The following LRRC39 variants were observed in gnomAD, a reference collection of about 807,000 sequenced individuals.
The protein encoded by LRRC39 is leucine rich repeat containing 39.
A neutral mutation model predicts 39.7 loss-of-function variants in LRRC39; 35 were observed. That is an observed-to-expected ratio of 0.88 (90% CI 0.67 to 1.17). The LOEUF is 1.17. Ranked by LOEUF, LRRC39 falls within the 50% of genes most tolerant of loss-of-function variation. The pLI is 0.00. For synonymous variants in LRRC39, 113 were observed against 134.1 expected, an observed-to-expected ratio of 0.84 and a Z score of 1.09; for missense variants, 357 against 385.8, an observed-to-expected ratio of 0.93 and a Z score of 0.62.
At chr1:100,156,507 T>C (rs1482946990) in intron 6 of LRRC39, among the ~76,000 whole-genome samples, 190 bp from the exon 7 acceptor site, 1 of 152,198 alleles carries the variant, frequency 6.6e-6, no homozygotes, top group East Asian at 1.9e-4. Flanking sequence ...AGTGGAAAAC[T>C]CTCATAGAAA....
At chr1:100,155,927 C>T (rs1044452906) in intron 7 of LRRC39, among the ~76,000 whole-genome samples, 1 of 152,272 alleles carries the variant, frequency 6.6e-6, no homozygotes, top group Non-Finnish European at 1.5e-5. Flanking sequence ...GTGGCTCAGG[C>T]ATGTAATCCC....
At chr1:100,179,099 G>GTCA (rs1480597985), upstream of LRRC39, among the ~76,000 whole-genome samples, 2 of 152,126 alleles carry the variant, frequency 1.3e-5, no homozygotes, top group African/African-American at 4.8e-5. Flanking sequence ...TTAGAGCAGC[G>GTCA]TCATTCTTTT....
In LRRC39 at chr1:100,149,163, T is replaced by C. The variant is rs1570755892; in HGVS notation, c.953-66A>G. 12 of 1,555,762 alleles carry C rather than the reference T, an allele frequency of 7.7e-6. No homozygotes were observed. In the East Asian group the frequency reaches 2.7e-4, roughly 36 times the overall value. The stretch of plus-strand genomic sequence containing the variant: ...TCTGTTTGTATTAATTTTGGAAATT[T>C]ATCTTCCTTTGATTTTATTTAATAT... On this transcript the variant is annotated intron_variant, in intron 9 of 9. Coordinates refer to ENST00000370137, the MANE Select transcript of LRRC39 (RefSeq NM_144620.4).
At chr1:100,163,777 T>C (rs964633143) in intron 3 of LRRC39, among the ~76,000 whole-genome samples, 2 of 152,036 alleles carry the variant, frequency 1.3e-5, no homozygotes, top group Non-Finnish European at 2.9e-5. Flanking sequence ...ATAACTCTTC[T>C]AAAACCCTTT....
rs1389343640 is a variant in LRRC39, at chr1:100,152,329, T to TA, written c.952+55dup. ...TTAATCAAAAGGCAGCAGTTAGTGA[T>TA]ACACACATTACTCTACCAAAAAACA... On this transcript the variant is annotated intron_variant, in intron 9 of 9. Transcript: ENST00000370137. The TA allele has an allele frequency of 2.6e-6, 4 of 1,527,254 alleles. No homozygotes were observed. In the African/African-American group the frequency reaches 5.5e-5, roughly 21 times the overall value. The allele number at this position is 1,527,254 out of a possible 1,614,324, so 94.6% of individuals were successfully genotyped here.
upstream of LRRC39, among the ~76,000 whole-genome samples, chr1:100,178,895 A>G (rs925239327): frequency 2.6e-5 from 4 of 152,178 alleles, no homozygotes; most frequent in African/African-American, 9.7e-5. Flanking sequence ...GAAGGCAACC[A>G]CTATTGCCAG....
At position 100,148,583 on chromosome 1, in the gene LRRC39, G is replaced by C. The variant is rs1657600705; in HGVS notation, c.*459C>G. ...CAAAAATAATTTTTTATAAACTTTTGCAAAATTTTAACAATGTTTTGTGTG... is the reference window on the plus strand; with the variant it reads ...CAAAAATAATTTTTTATAAACTTTTCCAAAATTTTAACAATGTTTTGTGTG... On this transcript the variant is annotated 3_prime_UTR_variant, in exon 10 of 10. Transcript: ENST00000370137. The C allele has an allele frequency of 6.4e-7, 1 of 1,553,988 alleles. No homozygotes were observed. Among genetic ancestry groups the C allele is most frequent in the East Asian group, 2.3e-5 (1 of 43,916 alleles).
chr1:100,173,239 C>CA (rs1337385050), intron 2 of LRRC39, 92 bp downstream of exon 2: 216 of 121,250 alleles, frequency 1.8e-3, no homozygotes, highest in African/African-American at 4.3e-3. Context: ...GACTCTGTCT[C>CA]AAAAAAAAAA....
At position 100,153,906 on chromosome 1, in the gene LRRC39, C is replaced by T. The variant is rs987423406; in HGVS notation, c.812+1145G>A. On this transcript the variant is annotated intron_variant, in intron 8 of 9. Coordinates refer to ENST00000370137, the MANE Select transcript of LRRC39 (RefSeq NM_144620.4). The stretch of plus-strand genomic sequence containing the variant: ...AAGTAGCTGTTATAGGCATGCACCA[C>T]CACTCCCGACTAATATATCTGCTAT... 2.0e-5 allele frequency among the ~76,000 whole-genome samples: 3 copies of T among 152,156 alleles called. 1 individual carries two copies. Among genetic ancestry groups the T allele is most frequent in the South Asian group, 2.1e-4 (1 of 4,824 alleles).
chr1:100,150,059 T>A (rs1490728957), intron 9 of LRRC39: 1 of 152,460 alleles, frequency 6.6e-6, no homozygotes, highest in East Asian at 1.9e-4. Context: ...CTAATCTCTT[T>A]GTGCCTCAAT....
At chr1:100,154,458 A>G (rs934964066) in intron 8 of LRRC39, among the ~76,000 whole-genome samples, 2 of 152,372 alleles carry the variant, frequency 1.3e-5, no homozygotes, top group Admixed American at 6.5e-5. Context: ...TGGTACATAC[A>G]TAGCATGAAA....
chr1:100,175,659 A>G (rs1310435457), intron 1 of LRRC39, among the ~76,000 whole-genome samples: 2 of 152,212 alleles, frequency 1.3e-5, no homozygotes, highest in Non-Finnish European at 2.9e-5. Flanking sequence ...TTACATCTAG[A>G]ATATATAACG....
chr1:100,157,870 A>C (rs1156892751), intron 6 of LRRC39, among the ~76,000 whole-genome samples: 3 of 152,214 alleles, frequency 2.0e-5, no homozygotes, highest in African/African-American at 7.2e-5. Flanking sequence ...TCCCATTGCT[A>C]TCACTACATT....
At chr1:100,156,994 A>G (rs893469218) in intron 6 of LRRC39, among the ~76,000 whole-genome samples, 1 of 152,166 alleles carries the variant, frequency 6.6e-6, no homozygotes. Context: ...AAAAAAAAAG[A>G]CTGGTTAATA....
chr1:100,164,338 A>G (rs1031746768), intron 3 of LRRC39, among the ~76,000 whole-genome samples: 1 of 152,054 alleles, frequency 6.6e-6, no homozygotes, highest in African/African-American at 2.4e-5. Flanking sequence ...CCCCTTTCAA[A>G]TCTGCTTCTT....
intron 2 of LRRC39, 60 bp from the exon 3 acceptor site, chr1:100,168,654 C>A: frequency 1.6e-6 from 1 of 619,580 alleles, no homozygotes; most frequent in South Asian, 2.0e-5. Flanking sequence ...CCATAATGAT[C>A]ATAATAGCTA....
At chr1:100,160,375 T>C in intron 4 of LRRC39, 91 bp downstream of exon 4, 1 of 848,778 alleles carries the variant, frequency 1.2e-6, no homozygotes, top group Non-Finnish European at 1.8e-6. Flanking sequence ...TTCTAACTAT[T>C]CTAGTCTTAA....
In LRRC39 at chr1:100,151,255, T is replaced by G. The variant is rs184031666; in HGVS notation, c.952+1130A>C. Among the ~76,000 whole-genome samples the G allele has an allele frequency of 2.1e-4, 32 of 152,238 alleles. No individual in the cohort carries two copies. The East Asian group carries it at 5.4e-3, about 26-fold the overall frequency. On this transcript the variant is annotated intron_variant, in intron 9 of 9. Coordinates refer to ENST00000370137, the MANE Select transcript of LRRC39 (RefSeq NM_144620.4). ...ATCTTAGCACCACCATCTATCCAGT[T>G]GCCCTCTAAACCAAAAACATTCATT...
chr1:100,169,448 ATACT>A (rs777188495), intron 2 of LRRC39, among the ~76,000 whole-genome samples: 3 of 152,102 alleles, frequency 2.0e-5, no homozygotes, highest in Admixed American at 6.5e-5. Context: ...AAACTTGGTA[ATACT>A]TACTAAACTC....
Sources: gnomAD v4.1 joint callset for allele counts (sites outside exome capture counted in the v4.1 genomes callset) on GRCh38, gnomAD v4.1.1 for gene constraint, MANE v1.5 for transcripts, NCBI Gene and HGNC (gene_info 2026-07-23, HGNC 2026-07-21) for gene names.